Variants in ANGPTL2 observed in about 807,000 individuals in gnomAD.
The protein encoded by ANGPTL2 is angiopoietin-related protein 2.
Under a neutral mutation model 52.8 loss-of-function variants are expected in ANGPTL2, and 25 were observed. That is an observed-to-expected ratio of 0.47 (90% confidence interval 0.35 to 0.66). ANGPTL2 has a LOEUF of 0.66. Among genes scored for constraint, ANGPTL2 ranks in the 30% least tolerant of loss-of-function variants. The pLI, the probability that ANGPTL2 is intolerant of heterozygous loss-of-function variation, is 0.01. For synonymous variants in ANGPTL2, 276 were observed against 277.4 expected (o/e 1.00, Z 0.05); for missense variants, 546 against 656.9 (o/e 0.83, Z 1.84).
chr9:127,091,748 C>T lies in ANGPTL2; in HGVS notation c.1204G>A (p.Gly402Ser). 1 of 1,614,140 alleles carries T rather than the reference C, an allele frequency of 6.2e-7. No individual in the cohort carries two copies. Residue 402 changes from glycine (G) to serine (S), a missense_variant, in exon 4 of 5, where the codon GGC becomes AGC. By Grantham distance (56) the Gly-to-Ser change is moderately conservative (BLOSUM62 0). This residue lies in a region of ANGPTL2 where 261 missense variants were observed against 361.0 expected (regional missense o/e 0.72). Coordinates refer to ENST00000373425, the MANE Select transcript of ANGPTL2 (RefSeq NM_012098.3). The surrounding 1 kb of genome is among the most constrained non-coding windows in gnomAD (Gnocchi z 4.3). ...CATGTAAAGGAGTCACCCGCATTGC[C>T]ATGGTAGCGCCCCAGCCGCAGCTTA... Reference protein sequence around the residue: ...YYKLRLGRYHGNAGDSFTWHN... With the variant: ...YYKLRLGRYHSNAGDSFTWHN...
In ANGPTL2 at chr9:127,091,715, C is replaced by T. The variant is rs770930840; in HGVS notation, c.1237G>A (p.Gly413Ser). Reference protein sequence around the residue: ...NAGDSFTWHNGKQFTTLDRDH... With the variant: ...NAGDSFTWHNSKQFTTLDRDH... ...CTGTCCAGGGTGGTGAACTGCTTGC[C>T]GTTGTGCCATGTAAAGGAGTCACCC... Residue 413 changes from glycine to serine, a missense_variant, in exon 4 of 5, where the codon GGC becomes AGC. By Grantham distance (56) the Gly-to-Ser change is moderately conservative. Coordinates refer to ENST00000373425, the MANE Select transcript of ANGPTL2 (RefSeq NM_012098.3). The surrounding 1 kb of genome is among the most constrained non-coding windows in gnomAD (Gnocchi z 4.3). 2.7e-5 allele frequency: 44 copies of T among 1,613,976 alleles called. No homozygotes were observed. Among genetic ancestry groups the T allele is most frequent in the Non-Finnish European group, 3.2e-5 (38 of 1,180,002 alleles).
At chr9:127,105,247 A>G (rs1339744524) in intron 2 of ANGPTL2, among the ~76,000 whole-genome samples, 1 of 152,226 alleles carries the variant, frequency 6.6e-6, no homozygotes, top group Non-Finnish European at 1.5e-5. Flanking sequence ...AATGCATTCC[A>G]GTTATCTCTG....
In ANGPTL2 at chr9:127,091,332, G is replaced by C. The variant is rs561571883; in HGVS notation, c.1282+338C>G. 1.3e-5 allele frequency among the ~76,000 whole-genome samples: 2 copies of C among 152,354 alleles called. No homozygotes were observed. Among genetic ancestry groups the C allele is most frequent in the East Asian group, 3.9e-4 (2 of 5,188 alleles). On this transcript the variant is annotated intron_variant, in intron 4 of 4. Coordinates refer to ENST00000373425, the MANE Select transcript of ANGPTL2 (RefSeq NM_012098.3). This position sits in a 1 kb window ranked among gnomAD's most constrained non-coding sequence, Gnocchi z 4.3. ...TACGCAGTTGGTTAGCTCTATACCA[G>C]GTGCCTGGGACAGAAGTGGTGAGGC... is the stretch of plus-strand genomic sequence containing the variant.
chr9:127,120,789 C>T (rs1468749643), intron 1 of ANGPTL2, among the ~76,000 whole-genome samples: 1 of 151,438 alleles, frequency 6.6e-6, no homozygotes, highest in African/African-American at 2.4e-5. Flanking sequence ...GATCATGCCA[C>T]TGCACTCCAG....
intron 1 of ANGPTL2, among the ~76,000 whole-genome samples, chr9:127,117,086 C>T (rs1368380889): frequency 6.6e-6 from 1 of 152,240 alleles, no homozygotes; most frequent in African/African-American, 2.4e-5. Flanking sequence ...GTTGTCATGC[C>T]TCCCTGCCTT....
intron 2 of ANGPTL2, among the ~76,000 whole-genome samples, chr9:127,101,151 A>G (rs921020932): frequency 1.3e-5 from 2 of 152,216 alleles, no homozygotes; most frequent in African/African-American, 2.4e-5. Flanking sequence ...AATGCTTTGT[A>G]TATTTATCTC....
chr9:127,088,215 GA>G lies in ANGPTL2; in HGVS notation c.*723del, dbSNP rs1379105005. The G allele has an allele frequency of 6.6e-6, 1 of 152,276 alleles. No individual in the cohort carries two copies. The highest frequency in any genetic ancestry group is 1.9e-4 in the East Asian group (1 of 5,198). The allele number at this position is 152,276 out of a possible 1,614,324, so 9.4% of individuals were successfully genotyped here. On this transcript the variant is annotated 3_prime_UTR_variant, in exon 5 of 5. Coordinates refer to ENST00000373425, the MANE Select transcript of ANGPTL2 (RefSeq NM_012098.3). Reference sequence around the variant, plus strand: ...AAGGGATAAGTGGGTGATGGATGGTGAAAAGTCCTGAGAATGGGGAAAAGTA... The same window carrying G: ...AAGGGATAAGTGGGTGATGGATGGTGAAAGTCCTGAGAATGGGGAAAAGTA...
intron 1 of ANGPTL2, among the ~76,000 whole-genome samples, chr9:127,117,173 C>T (rs1564612666): frequency 6.6e-6 from 1 of 152,234 alleles, no homozygotes; most frequent in Non-Finnish European, 1.5e-5. Flanking sequence ...CCTAAGTTGA[C>T]CTCACCATGA....
chr9:127,120,222 A>G (rs987107402), intron 1 of ANGPTL2, among the ~76,000 whole-genome samples: 8 of 152,130 alleles, frequency 5.3e-5, no homozygotes, highest in Non-Finnish European at 1.2e-4. Context: ...TTTCTTATCC[A>G]CTATGGTTCT....
At position 127,114,326 on chromosome 9, in the gene ANGPTL2, T is replaced by C. The variant is rs117674670; in HGVS notation, c.-49-5546A>G. 2.5e-3 allele frequency among the ~76,000 whole-genome samples: 382 copies of C among 152,326 alleles called. 2 individuals carry two copies. Among genetic ancestry groups the C allele is most frequent in the Admixed American group, 6.3e-3 (97 of 15,302 alleles). On this transcript the variant is annotated intron_variant, in intron 1 of 4. Transcript: ENST00000373425. ...TTTGCAGTTGAGGAAACTATTGAGATTTGAGGATCGTGAGTCATTTGCCCA... is the reference window on the plus strand; with the variant it reads ...TTTGCAGTTGAGGAAACTATTGAGACTTGAGGATCGTGAGTCATTTGCCCA...
chr9:127,095,762 C>T (rs1309402718), intron 2 of ANGPTL2, among the ~76,000 whole-genome samples: 1 of 152,248 alleles, frequency 6.6e-6, no homozygotes, highest in Non-Finnish European at 1.5e-5. Context: ...TTGGGCTCAA[C>T]TAGTTCACAC....
At chr9:127,119,822 G>A (rs2055857296) in intron 1 of ANGPTL2, among the ~76,000 whole-genome samples, 1 of 152,044 alleles carries the variant, frequency 6.6e-6, no homozygotes, top group Admixed American at 6.5e-5. Context: ...TTTTTGCCAA[G>A]CTCATGAAGT....
intron 2 of ANGPTL2, 126 bp downstream of exon 2, chr9:127,107,786 TGGG>T (rs1370336548): frequency 1.1e-6 from 1 of 938,584 alleles, no homozygotes; most frequent in Non-Finnish European, 1.5e-6. Flanking sequence ...AAGGGATTGC[TGGG>T]GGATTGTGCA....
chr9:127,093,819 G>A lies in ANGPTL2; in HGVS notation c.925C>T (p.Gln309Ter). Residue 309 changes from glutamine (Q) to a stop codon, truncating the protein, a stop_gained, in exon 3 of 5, where the codon CAG becomes TAG. Coordinates refer to ENST00000373425, the MANE Select transcript of ANGPTL2 (RefSeq NM_012098.3). LOFTEE classifies it high-confidence loss of function. ...TNRLMQVWCD[Q>*]RHDPGGWTVI... ...GTCCAGCCCCCGGGGTCGTGTCTCTGGTCGCACCACACCTGCATGAGGCGG... is the reference window on the plus strand; with the variant it reads ...GTCCAGCCCCCGGGGTCGTGTCTCTAGTCGCACCACACCTGCATGAGGCGG... The A allele has an allele frequency of 6.2e-7, 1 of 1,614,114 alleles. No individual in the cohort carries two copies. Among genetic ancestry groups the A allele is most frequent in the Non-Finnish European group, 8.5e-7 (1 of 1,180,030 alleles).
intron 2 of ANGPTL2, among the ~76,000 whole-genome samples, chr9:127,103,588 G>A (rs945889220): frequency 6.6e-6 from 1 of 152,214 alleles, no homozygotes; most frequent in Non-Finnish European, 1.5e-5. Flanking sequence ...TGGGAGTCAG[G>A]TGCACGTTGT....
chr9:127,113,387 C>T (rs922161282), intron 1 of ANGPTL2, among the ~76,000 whole-genome samples: 1 of 152,100 alleles, frequency 6.6e-6, no homozygotes, highest in African/African-American at 2.4e-5. Flanking sequence ...AATTCCTCCC[C>T]TCCCCCCAGC....
chr9:127,092,956 T>G (rs1399555528), intron 3 of ANGPTL2, among the ~76,000 whole-genome samples: 1 of 152,130 alleles, frequency 6.6e-6, no homozygotes, highest in African/African-American at 2.4e-5. Context: ...CTGCAGTCAC[T>G]ACTGGGCCAA....
rs952293164 is a variant in ANGPTL2 at position 127,122,220 on chromosome 9, C to G, written c.-50+95G>C. 1 of 152,338 alleles carries G rather than the reference C, an allele frequency of 6.6e-6. No individual in the cohort carries two copies. Among genetic ancestry groups the G allele is most frequent in the Non-Finnish European group, 1.5e-5 (1 of 68,178 alleles). The allele number at this position is 152,338 out of a possible 1,614,324, so 9.4% of individuals were successfully genotyped here. A position where few individuals can be genotyped will look rare whatever the true frequency, so the allele number is the denominator to read the frequency against. On this transcript the variant is annotated intron_variant, in intron 1 of 4. Coordinates refer to ENST00000373425, the MANE Select transcript of ANGPTL2 (RefSeq NM_012098.3). The surrounding 1 kb of genome is among the most constrained non-coding windows in gnomAD (Gnocchi z 6.4). ...CCTCTGAGATCCAGCAGCACACACCCCCAGCTGGAGGGTCAGGGTTCTGGA... is the reference window on the plus strand; with the variant it reads ...CCTCTGAGATCCAGCAGCACACACCGCCAGCTGGAGGGTCAGGGTTCTGGA...
Position 127,108,596 on chromosome 9 carries a change from G to A in ANGPTL2, c.136C>T (p.Arg46Trp), listed in dbSNP as rs758697631. The change falls in exon 2 of 5, where the codon CGG becomes TGG. Residue 46 changes from arginine (R) to tryptophan (W), a missense_variant. Transcript: ENST00000373425. Reference sequence around the variant, plus strand: ...CACTTGTCCTGGGACTCGCCCGCCCGCTTGTACCTGTTTAGGTAAATGAAC... The same window carrying A: ...CACTTGTCCTGGGACTCGCCCGCCCACTTGTACCTGTTTAGGTAAATGAAC... ...REFIYLNRYKRAGESQDKCTY... is the reference protein window; with the variant it reads ...REFIYLNRYKWAGESQDKCTY... 1.2e-5 allele frequency: 19 copies of A among 1,613,398 alleles called. 1 individual carries two copies. The highest frequency in any genetic ancestry group is 7.7e-5 in the South Asian group (7 of 90,992).
Sources: gnomAD v4.1 joint callset for allele counts (sites outside exome capture counted in the v4.1 genomes callset) on GRCh38, gnomAD v4.1.1 for gene constraint, gnomAD v4.1.1 regional missense constraint, Gnocchi (gnomAD v3.1) non-coding constraint, MANE v1.5 for transcripts, NCBI Gene and HGNC (gene_info 2026-07-23, HGNC 2026-07-21) for gene names.